Variants in GDAP1L1 observed in about 807,000 individuals in gnomAD.
GDAP1L1 encodes the protein ganglioside induced differentiation associated protein 1 like 1, also known as ganglioside-induced differentiation-associated protein 1-like 1.
Under a neutral mutation model 37.1 loss-of-function variants are expected in GDAP1L1, and 21 were observed. That is an observed-to-expected ratio of 0.57 (90% CI 0.40 to 0.81). GDAP1L1 has a LOEUF of 0.81. GDAP1L1 is among the 40% of genes least tolerant of loss of function. The pLI is 0.00. For missense variants in GDAP1L1, 362 were observed against 491.6 expected (o/e 0.74, Z 2.49); for synonymous variants, 193 against 209.1 (o/e 0.92, Z 0.67).
intron 1 of GDAP1L1, among the ~76,000 whole-genome samples, chr20:44,252,822 CAAAA>C (rs3091993): frequency 4.1e-5 from 5 of 123,068 alleles, no homozygotes; most frequent in Admixed American, 1.5e-4. Flanking sequence ...GACCCTGTCT[CAAAA>C]AAAAAAAAAA....
intron 1 of GDAP1L1, among the ~76,000 whole-genome samples, chr20:44,250,863 G>C (rs1441647577): frequency 6.6e-6 from 1 of 152,174 alleles, no homozygotes; most frequent in Non-Finnish European, 1.5e-5. Flanking sequence ...CAAGGTTCTA[G>C]TGCTGCCAGT....
At chr20:44,265,912 C>T (rs1429470612) in intron 5 of GDAP1L1, among the ~76,000 whole-genome samples, 1 of 151,972 alleles carries the variant, frequency 6.6e-6, no homozygotes, top group Admixed American at 6.6e-5. Context: ...CCTTATGTCC[C>T]GAACAGAGAC....
At chr20:44,247,626 T>C in intron 1 of GDAP1L1, 112 bp downstream of exon 1, 1 of 1,050,298 alleles carries the variant, frequency 9.5e-7, no homozygotes, top group Non-Finnish European at 1.3e-6. Flanking sequence ...GAACCTGGGG[T>C]TTGGGGGTCC....
chr20:44,266,612 G>A (rs528388578), intron 5 of GDAP1L1, among the ~76,000 whole-genome samples: 1 of 152,274 alleles, frequency 6.6e-6, no homozygotes, highest in South Asian at 2.1e-4. Context: ...CTCAGATCAA[G>A]GTGCCTGTGG....
intron 5 of GDAP1L1, chr20:44,264,901 TGAA>T: frequency 9.4e-7 from 1 of 1,060,212 alleles, no homozygotes. Flanking sequence ...TAAAGGTAGG[TGAA>T]GATGATGTTA....
upstream of GDAP1L1, chr20:44,247,128 CT>C: frequency 1.7e-6 from 1 of 603,554 alleles, no homozygotes; most frequent in South Asian, 2.0e-5. Flanking sequence ...GGGCTGGCGG[CT>C]TTTCTGGCGC....
Position 44,263,237 on chromosome 20 carries a change from A to G in GDAP1L1, c.555A>G (p.Leu185=). The G allele has an allele frequency of 6.2e-7, 1 of 1,613,838 alleles. No homozygotes were observed. The highest frequency in any genetic ancestry group is 8.5e-7 in the Non-Finnish European group (1 of 1,179,746). ...TTCCTATTATCTCCCCAGGACATTT[A>G]GCCAATGCCACCACGGACCTCATGA... ...KYATAEIRRH[L]ANATTDLMKL... The change falls in exon 4 of 6, where the codon TTA becomes TTG. Residue 185 remains leucine (L), a synonymous_variant. Coordinates refer to ENST00000342560, the MANE Select transcript of GDAP1L1 (RefSeq NM_024034.6).
At chr20:44,271,800 AG>A (rs1239717596) in intron 5 of GDAP1L1, among the ~76,000 whole-genome samples, 1 of 152,120 alleles carries the variant, frequency 6.6e-6, no homozygotes, top group Admixed American at 6.5e-5. Context: ...TGGTTCAGGC[AG>A]GGGCCCCGTA....
At chr20:44,251,084 GAC>G in intron 1 of GDAP1L1, among the ~76,000 whole-genome samples, 1 of 152,302 alleles carries the variant, frequency 6.6e-6, no homozygotes, top group Middle Eastern at 3.4e-3. Flanking sequence ...CTAGCTGTGT[GAC>G]TGGGCAAGTT....
Position 44,280,815 on chromosome 20 carries a change from A to C in GDAP1L1, c.*1515A>C, listed in dbSNP as rs1054325098. ...ATGGACCTCAGGGGGCACCCAGGGC[A>C]CATGCCCCCCACCCCAATTTCCCAG... On this transcript the variant is annotated 3_prime_UTR_variant, in exon 6 of 6. Coordinates refer to ENST00000342560, the MANE Select transcript of GDAP1L1 (RefSeq NM_024034.6). The C allele has an allele frequency of 2.0e-5, 3 of 152,240 alleles. No homozygotes were observed. Among genetic ancestry groups the C allele is most frequent in the African/African-American group, 7.2e-5 (3 of 41,464 alleles). The allele number at this position is 152,240 out of a possible 1,614,324, so 9.4% of individuals were successfully genotyped here. A position where few individuals can be genotyped will look rare whatever the true frequency, so the allele number is the denominator to read the frequency against.
At chr20:44,256,002 G>A (rs2073534152) in intron 1 of GDAP1L1, among the ~76,000 whole-genome samples, 2 of 152,194 alleles carry the variant, frequency 1.3e-5, no homozygotes, top group African/African-American at 4.8e-5. Flanking sequence ...CAGCTCAAAT[G>A]TGTGTCTGGG....
rs1243919690 is a variant in GDAP1L1 at position 44,264,923 on chromosome 20, C to G, written c.760+364C>G. On this transcript the variant is annotated intron_variant, in intron 5 of 5. Transcript: ENST00000342560. Reference sequence around the variant, plus strand: ...AGGTGAAGATGATGTTAAGAGGCAGCTCATAGATGTCATGGTTAGGGCCAG... The same window carrying G: ...AGGTGAAGATGATGTTAAGAGGCAGGTCATAGATGTCATGGTTAGGGCCAG... 31 of 1,055,292 alleles carry G rather than the reference C, an allele frequency of 2.9e-5. 1 individual carries two copies. The highest frequency in any genetic ancestry group is 1.9e-5 in the Non-Finnish European group (17 of 871,864). 65.4% of individuals were successfully genotyped at this position (1,055,292 alleles called of 1,614,324 possible).
At chr20:44,277,315 C>A (rs2062593636) in intron 5 of GDAP1L1, among the ~76,000 whole-genome samples, 1 of 152,156 alleles carries the variant, frequency 6.6e-6, no homozygotes, top group African/African-American at 2.4e-5. Flanking sequence ...GAGAAAATGG[C>A]ATGTGAGCAA....
chr20:44,250,402 T>C (rs1022447140), intron 1 of GDAP1L1, among the ~76,000 whole-genome samples: 2 of 152,198 alleles, frequency 1.3e-5, no homozygotes, highest in Non-Finnish European at 2.9e-5. Context: ...ATTCAGCAAA[T>C]GTATCCATGT....
intron 1 of GDAP1L1, among the ~76,000 whole-genome samples, chr20:44,251,214 A>G (rs1393500642): frequency 1.3e-5 from 2 of 152,230 alleles, no homozygotes; most frequent in African/African-American, 2.4e-5. Context: ...GCTCTACAAT[A>G]GTGCCTGGCA....
intron 5 of GDAP1L1, among the ~76,000 whole-genome samples, chr20:44,277,928 C>T (rs778818859): frequency 9.2e-5 from 14 of 151,876 alleles, no homozygotes; most frequent in Non-Finnish European, 1.9e-4. Context: ...CCGAGGTGGG[C>T]GGATCACCTG....
chr20:44,262,565 C>G (rs1177053444), intron 3 of GDAP1L1, among the ~76,000 whole-genome samples: 1 of 152,134 alleles, frequency 6.6e-6, no homozygotes, highest in East Asian at 1.9e-4. Context: ...TCCGTGAGGT[C>G]TCTCAGCCCC....
At chr20:44,261,739 G>A (rs763723576) in intron 3 of GDAP1L1, among the ~76,000 whole-genome samples, 1 of 152,220 alleles carries the variant, frequency 6.6e-6, no homozygotes, top group Non-Finnish European at 1.5e-5. Context: ...TCTGATTAGC[G>A]TGTTTGCGTT....
rs775808380 is a variant in GDAP1L1, at chr20:44,257,286, A to G, written c.314A>G (p.Asp105Gly). 6.2e-7 allele frequency: 1 copy of G among 1,613,886 alleles called. No homozygotes were observed. Among genetic ancestry groups the G allele is most frequent in the South Asian group, 1.1e-5 (1 of 91,062 alleles). The change falls in exon 2 of 6, where the codon GAC becomes GGC. Residue 105 changes from aspartate to glycine, a missense_variant. Asp to Gly is a moderately conservative substitution (Grantham distance 94). Transcript: ENST00000342560. ...GEEVPVIIHR[D>G]NIISDYDQII... is the part of the protein sequence containing the mutation. The stretch of plus-strand genomic sequence containing the variant: ...GAGGTGCCCGTCATCATCCACCGCG[A>G]CAACATCATCAGTGACTATGACCAG...
Sources: allele counts gnomAD v4.1 joint callset (sites outside exome capture counted in the v4.1 genomes callset), GRCh38; gene constraint gnomAD v4.1.1; transcripts MANE v1.5; gene names NCBI Gene and HGNC (gene_info 2026-07-23, HGNC 2026-07-21).